Variants in CFAP54 observed in about 807,000 individuals in gnomAD.
CFAP54 encodes the protein cilia and flagella associated protein 54.
Under a neutral mutation model 370.4 loss-of-function variants are expected in CFAP54, and 290 were observed. That is an observed-to-expected ratio of 0.78 (90% confidence interval 0.71 to 0.86). CFAP54 has a LOEUF of 0.86. Among genes scored for constraint, CFAP54 ranks in the 40% least tolerant of loss-of-function variants. CFAP54 has a pLI of 0.00. For synonymous variants in CFAP54, 1,206 were observed against 1,236.5 expected (o/e 0.98, Z 0.52); for missense variants, 3,399 against 3,528.7 (o/e 0.96, Z 0.93).
At chr12:96,821,505 T>C (rs994229482) in intron 65 of CFAP54, among the ~76,000 whole-genome samples, 3 of 152,184 alleles carry the variant, frequency 2.0e-5, no homozygotes, top group Non-Finnish European at 2.9e-5. Context: ...AAAGTGTTTC[T>C]TCAGCTTTAA....
intron 36 of CFAP54, among the ~76,000 whole-genome samples, chr12:96,655,758 T>C (rs1309596577): frequency 6.6e-6 from 1 of 152,114 alleles, no homozygotes; most frequent in Non-Finnish European, 1.5e-5. Context: ...GTTTGGACCT[T>C]ATTTTAATCT....
intron 66 of CFAP54, among the ~76,000 whole-genome samples, chr12:96,838,691 G>A (rs569603732): frequency 6.6e-6 from 1 of 152,220 alleles, no homozygotes; most frequent in African/African-American, 2.4e-5. Context: ...CAATGCCTAG[G>A]GATTATGATT....
In CFAP54 at chr12:96,766,495, A is replaced by G. The variant is rs148396011; in HGVS notation, c.8281+1277A>G. On this transcript the variant is annotated intron_variant, in intron 60 of 67. Coordinates refer to ENST00000524981, the MANE Select transcript of CFAP54 (RefSeq NM_001306084.2). Reference sequence around the variant, plus strand: ...TTGCTTAACACTGTTTGGCAGCTCAATTCTCCCTGGTTCAGAATGCCAGGA... The same window carrying G: ...TTGCTTAACACTGTTTGGCAGCTCAGTTCTCCCTGGTTCAGAATGCCAGGA... Among the ~76,000 whole-genome samples, 60 of 152,270 alleles carry G rather than the reference A, an allele frequency of 3.9e-4. No homozygotes were observed. The East Asian group carries it at 0.01, about 27-fold the overall frequency.
At chr12:96,729,021 T>C (rs552651039) in intron 50 of CFAP54, among the ~76,000 whole-genome samples, 3 of 152,198 alleles carry the variant, frequency 2.0e-5, no homozygotes, top group Non-Finnish European at 2.9e-5. Flanking sequence ...TGCTGCTGTC[T>C]GATCGTTCTT....
At chr12:96,513,079 A>G in intron 5 of CFAP54, 35 bp downstream of exon 5, 1 of 1,326,146 alleles carries the variant, frequency 7.5e-7, no homozygotes. Context: ...TTTCCCCTCT[A>G]TTTCCTGTTT....
intron 33 of CFAP54, chr12:96,646,110 T>G (rs1956787154): frequency 6.6e-6 from 1 of 152,062 alleles, no homozygotes; most frequent in Non-Finnish European, 1.5e-5. Flanking sequence ...GGGATCTAAT[T>G]AAACTAAAGA....
At chr12:96,706,064 C>T (rs1029361064) in intron 47 of CFAP54, among the ~76,000 whole-genome samples, 1 of 151,994 alleles carries the variant, frequency 6.6e-6, no homozygotes, top group East Asian at 1.9e-4. Context: ...GTGTGCAAGG[C>T]AATAGGCTGC....
rs746492260 is a variant in CFAP54, at chr12:96,644,346, G to T, written c.4485G>T (p.Leu1495=). The change falls in exon 33 of 68, where the codon CTG becomes CTT. Residue 1495 remains leucine, a synonymous_variant. Transcript: ENST00000524981. ...NLYLAGAHFN[L]VLQKLWECTK... ...ATCTAGCAGGTGCACACTTTAACCTGGTTTTACAAAAGCTATGGGAGTGTA... is the reference window on the plus strand; with the variant it reads ...ATCTAGCAGGTGCACACTTTAACCTTGTTTTACAAAAGCTATGGGAGTGTA... The T allele has an allele frequency of 6.5e-7, 1 of 1,535,892 alleles. No homozygotes were observed. Among genetic ancestry groups the T allele is most frequent in the South Asian group, 1.2e-5 (1 of 84,044 alleles).
chr12:96,653,781 CAATT>C lies in CFAP54; in HGVS notation c.5100+1968_5100+1971del, dbSNP rs574039269. 2.6e-3 allele frequency among the ~76,000 whole-genome samples: 395 copies of C among 150,850 alleles called. 3 individuals are homozygous for C. The highest frequency in any genetic ancestry group is 9.2e-3 in the African/African-American group (379 of 41,134). ...TAAAAGAAATGATAAGAGCAGAAAT[CAATT>C]AGATAAATATAAAGCAAAAACAATA... On this transcript the variant is annotated intron_variant, in intron 36 of 67. Coordinates refer to ENST00000524981, the MANE Select transcript of CFAP54 (RefSeq NM_001306084.2).
chr12:96,771,244 C>A (rs949235225), intron 60 of CFAP54, among the ~76,000 whole-genome samples: 6 of 152,152 alleles, frequency 3.9e-5, no homozygotes, highest in African/African-American at 1.4e-4. Flanking sequence ...AGTCAGAAAC[C>A]AGCTAACTAT....
At chr12:96,527,571 G>A in intron 9 of CFAP54, 127 bp downstream of exon 9, 1 of 602,936 alleles carries the variant, frequency 1.7e-6, no homozygotes, top group Non-Finnish European at 2.6e-6. Context: ...TTGTTTGGTT[G>A]TTTGTTTGTT....
intron 9 of CFAP54, among the ~76,000 whole-genome samples, chr12:96,532,821 A>G (rs755931502): frequency 1.3e-5 from 2 of 151,962 alleles, no homozygotes; most frequent in Non-Finnish European, 1.5e-5. Context: ...GGGTTACTCC[A>G]TGTTGCCCAG....
intron 62 of CFAP54, among the ~76,000 whole-genome samples, chr12:96,787,747 G>A (rs1958642684): frequency 6.6e-6 from 1 of 152,132 alleles, no homozygotes; most frequent in Non-Finnish European, 1.5e-5. Flanking sequence ...AACAGTGACA[G>A]GGTTAAAACA....
chr12:96,752,428 G>A (rs1411383402), intron 55 of CFAP54, among the ~76,000 whole-genome samples: 1 of 152,142 alleles, frequency 6.6e-6, no homozygotes, highest in Non-Finnish European at 1.5e-5. Context: ...CAATGATATG[G>A]TAGCACCAAT....
At chr12:96,849,501 A>G (rs568708613) in intron 66 of CFAP54, among the ~76,000 whole-genome samples, 2 of 152,332 alleles carry the variant, frequency 1.3e-5, no homozygotes, top group Admixed American at 6.5e-5. Flanking sequence ...GTGCTCAACA[A>G]AATCTAATTG....
rs542021145 is a variant in CFAP54, at chr12:96,694,488, C to T, written c.6351+680C>T. 3.6e-4 allele frequency among the ~76,000 whole-genome samples: 54 copies of T among 151,912 alleles called. No homozygotes were observed. The South Asian group carries it at 0.01, about 29-fold the overall frequency. The stretch of plus-strand genomic sequence containing the variant: ...GAATTCAACTCTATTTTATATCTTA[C>T]GCACACACACACACGCGCACACACA... On this transcript the variant is annotated intron_variant, in intron 45 of 67. Coordinates refer to ENST00000524981, the MANE Select transcript of CFAP54 (RefSeq NM_001306084.2).
At chr12:96,755,169 C>T (rs759149013) in intron 56 of CFAP54, among the ~76,000 whole-genome samples, 1 of 152,012 alleles carries the variant, frequency 6.6e-6, no homozygotes, top group African/African-American at 2.4e-5. Context: ...ATTTTTTCTC[C>T]TTAGGTTTGT....
chr12:96,836,420 G>A (rs552183696), intron 66 of CFAP54, among the ~76,000 whole-genome samples: 1 of 152,282 alleles, frequency 6.6e-6, no homozygotes, highest in South Asian at 2.1e-4. Context: ...AGCTTTCTCA[G>A]TGTAGGAATG....
chr12:96,859,281 C>A (rs1400796741), intron 66 of CFAP54, among the ~76,000 whole-genome samples: 1 of 152,176 alleles, frequency 6.6e-6, no homozygotes, highest in African/African-American at 2.4e-5. Flanking sequence ...CTAGCTTATG[C>A]ATGTGGAAAT....
Sources: gnomAD v4.1 joint callset for allele counts (sites outside exome capture counted in the v4.1 genomes callset) on GRCh38, gnomAD v4.1.1 for gene constraint, MANE v1.5 for transcripts, NCBI Gene and HGNC (gene_info 2026-07-23, HGNC 2026-07-21) for gene names.